The following HDAC9 variants were observed in gnomAD, a reference collection of about 807,000 sequenced individuals.
HDAC9 encodes MEF-2 interacting transcription repressor (MITR) protein.
Under a neutral mutation model 139.4 loss-of-function variants are expected in HDAC9, and 41 were observed. The ratio of observed to expected loss-of-function variants is 0.29; its 90% CI spans 0.23 to 0.38. The LOEUF (loss-of-function observed/expected upper bound fraction) is 0.38, where lower values mean the gene tolerates loss of function less well. Among genes scored for constraint, HDAC9 ranks in the 10% least tolerant of loss-of-function variants. The pLI, the probability that HDAC9 is intolerant of heterozygous loss-of-function variation, is 1.00. For synonymous variants in HDAC9, 517 were observed against 476.2 expected (o/e 1.09, Z -1.12); for missense variants, 1,147 against 1,297.0 (o/e 0.88, Z 1.78).
chr7:18,900,615 T>A (rs1370373949), intron 22 of HDAC9, among the ~76,000 whole-genome samples: 1 of 152,172 alleles, frequency 6.6e-6, no homozygotes, highest in East Asian at 1.9e-4. Context: ...CAAGATCCCA[T>A]GGACCCCTTG....
intron 1 of HDAC9, among the ~76,000 whole-genome samples, chr7:18,416,394 G>A (rs1003704583): frequency 6.6e-6 from 1 of 152,022 alleles, no homozygotes; most frequent in Non-Finnish European, 1.5e-5. Flanking sequence ...ATCTTTGTCA[G>A]GTTTTGATTA....
At chr7:18,718,294 C>T (rs745491068) in intron 12 of HDAC9, among the ~76,000 whole-genome samples, 1 of 152,114 alleles carries the variant, frequency 6.6e-6, no homozygotes, top group Non-Finnish European at 1.5e-5. Context: ...TGCAATGGCG[C>T]GATGTTGGCT....
intron 22 of HDAC9, among the ~76,000 whole-genome samples, chr7:18,918,058 A>G (rs13231656): frequency 0.19 from 28,339 of 152,028 alleles, 2,970 homozygotes; most frequent in East Asian, 0.38. Context: ...ATGACGGATA[A>G]TGGATAATAT....
chr7:18,839,281 G>A (rs575086531), intron 21 of HDAC9, among the ~76,000 whole-genome samples: 30 of 152,004 alleles, frequency 2.0e-4, no homozygotes, highest in Admixed American at 9.9e-4. Flanking sequence ...TATAAGTCAC[G>A]GAACTACTAA....
At chr7:18,343,729 TAAC>T (rs1019260325) in intron 1 of HDAC9, among the ~76,000 whole-genome samples, 4 of 151,994 alleles carry the variant, frequency 2.6e-5, no homozygotes, top group African/African-American at 4.8e-5. Context: ...TCAGTAAAAA[TAAC>T]AACCATTTCC....
intron 25 of HDAC9, among the ~76,000 whole-genome samples, chr7:18,990,208 A>G (rs1048124719): frequency 1.3e-5 from 2 of 151,922 alleles, no homozygotes; most frequent in African/African-American, 4.8e-5. Context: ...GTCTTTGATG[A>G]TGGTGATGTA....
chr7:18,388,853 G>A (rs1291586629), intron 1 of HDAC9, among the ~76,000 whole-genome samples: 4 of 151,994 alleles, frequency 2.6e-5, no homozygotes, highest in Admixed American at 2.0e-4. Flanking sequence ...TTGCTCTTTG[G>A]GAATCAGATG....
At chr7:18,094,847 A>G (rs75052681) in intron 1 of HDAC9, among the ~76,000 whole-genome samples, 6,947 of 152,208 alleles carry the variant, frequency 0.046, 213 homozygotes, top group Non-Finnish European at 0.06. Flanking sequence ...AGTGGCTTCG[A>G]TTTTAGATAA....
intron 2 of HDAC9, among the ~76,000 whole-genome samples, chr7:18,260,772 T>C (rs1211056348): frequency 6.6e-6 from 1 of 152,212 alleles, no homozygotes. Flanking sequence ...AGATAATGAA[T>C]GTCCTGGCCA....
chr7:18,807,521 T>A (rs1334470150), intron 17 of HDAC9, among the ~76,000 whole-genome samples: 1 of 152,132 alleles, frequency 6.6e-6, no homozygotes, highest in African/African-American at 2.4e-5. Flanking sequence ...TTTGTAAAGG[T>A]TTGTTGTTTA....
chr7:18,962,355 T>C (rs1222955572), intron 24 of HDAC9, among the ~76,000 whole-genome samples: 1 of 152,192 alleles, frequency 6.6e-6, no homozygotes, highest in Non-Finnish European at 1.5e-5. Flanking sequence ...GTCAGACTTG[T>C]ACACATGGCT....
chr7:18,385,335 T>TA (rs141346399), intron 1 of HDAC9, among the ~76,000 whole-genome samples: 2,948 of 152,224 alleles, frequency 0.019, 52 homozygotes, highest in East Asian at 0.087. Flanking sequence ...TGTGTGCTTC[T>TA]AAAATCATAT....
At chr7:18,242,944 A>T (rs889935751) in intron 2 of HDAC9, among the ~76,000 whole-genome samples, 1 of 152,244 alleles carries the variant, frequency 6.6e-6, no homozygotes, top group African/African-American at 2.4e-5. Flanking sequence ...AAACTAGCAC[A>T]AAACAATAGA....
At chr7:18,903,155 A>C (rs1801886694) in intron 22 of HDAC9, among the ~76,000 whole-genome samples, 2 of 152,232 alleles carry the variant, frequency 1.3e-5, no homozygotes, top group African/African-American at 4.8e-5. Context: ...GAAATGATGG[A>C]ATTTCAGCCT....
chr7:18,769,913 G>C (rs1454911357), intron 16 of HDAC9, among the ~76,000 whole-genome samples: 1 of 152,156 alleles, frequency 6.6e-6, no homozygotes, highest in Non-Finnish European at 1.5e-5. Flanking sequence ...AGAGGGACCT[G>C]TTGGTTTCCA....
intron 1 of HDAC9, among the ~76,000 whole-genome samples, chr7:18,388,764 A>G (rs1317384636): frequency 6.6e-6 from 1 of 152,128 alleles, no homozygotes; most frequent in African/African-American, 2.4e-5. Flanking sequence ...CTACAATACT[A>G]TTTTTGTTAC....
intron 12 of HDAC9, among the ~76,000 whole-genome samples, chr7:18,670,664 T>G (rs1468145778): frequency 6.6e-6 from 1 of 152,038 alleles, no homozygotes; most frequent in African/African-American, 2.4e-5. Flanking sequence ...CCTAGGCACT[T>G]TGGCACCAGA....
At chr7:18,671,494 C>A (rs567752455) in intron 12 of HDAC9, among the ~76,000 whole-genome samples, 1 of 152,122 alleles carries the variant, frequency 6.6e-6, no homozygotes, top group East Asian at 1.9e-4. Flanking sequence ...TCCTCAGATT[C>A]TCTGATTCAT....
chr7:18,227,951 A>G (rs1793182185), intron 2 of HDAC9, among the ~76,000 whole-genome samples: 1 of 152,168 alleles, frequency 6.6e-6, no homozygotes, highest in South Asian at 2.1e-4. Flanking sequence ...TATAATAACT[A>G]TGTTTAAGTC....
Sources: gnomAD v4.1 joint callset for allele counts (sites outside exome capture counted in the v4.1 genomes callset) on GRCh38, gnomAD v4.1.1 for gene constraint, MANE v1.5 for transcripts, NCBI Gene and HGNC (gene_info 2026-07-23, HGNC 2026-07-21) for gene names.